Variants in PARD3B observed in about 807,000 individuals in gnomAD.
PARD3B encodes the protein par-3 family cell polarity regulator beta.
Under a neutral mutation model 130.2 loss-of-function variants are expected in PARD3B, and 103 were observed. The observed-to-expected ratio is 0.79, with a 90% confidence interval of 0.67 to 0.93. The LOEUF is 0.93. PARD3B is among the 40% of genes least tolerant of loss of function. The probability of loss-of-function intolerance (pLI) is 0.00; values close to 1 mark genes in which losing one functional copy is unlikely to be tolerated. For synonymous variants in PARD3B, 583 were observed against 553.2 expected (o/e 1.05, Z -0.76); for missense variants, 1,609 against 1,499.2 (o/e 1.07, Z -1.21).
At chr2:204,580,214 A>T (rs894011453) in intron 1 of PARD3B, among the ~76,000 whole-genome samples, 4 of 152,186 alleles carry the variant, frequency 2.6e-5, no homozygotes, top group African/African-American at 7.2e-5. Context: ...GAGAGGGGAA[A>T]GAGTGGGAGG....
intron 18 of PARD3B, among the ~76,000 whole-genome samples, chr2:205,311,780 T>TA (rs2042395426): frequency 6.6e-6 from 1 of 152,250 alleles, no homozygotes; most frequent in African/African-American, 2.4e-5. Flanking sequence ...AAAGGTTATT[T>TA]AATCACTTGG....
chr2:205,619,235 C>G lies in PARD3B; in HGVS notation c.*3422C>G, dbSNP rs2055525948. 1 of 152,154 alleles carries G rather than the reference C, an allele frequency of 6.6e-6. No homozygotes were observed. Among genetic ancestry groups the G allele is most frequent in the Admixed American group, 6.5e-5 (1 of 15,274 alleles). 9.4% of individuals were successfully genotyped at this position (152,154 alleles called of 1,614,324 possible). On this transcript the variant is annotated 3_prime_UTR_variant, in exon 23 of 23. Transcript: ENST00000406610. ...GCTCATAAAGCTCATTTCTCTTTTCCCTGGTATGCACAAATATCAAGCCTA... is the reference window on the plus strand; with the variant it reads ...GCTCATAAAGCTCATTTCTCTTTTCGCTGGTATGCACAAATATCAAGCCTA...
chr2:205,176,624 C>T lies in PARD3B; in HGVS notation c.1924+47C>T. 2 of 1,417,748 alleles carry T rather than the reference C, an allele frequency of 1.4e-6. No individual in the cohort carries two copies. The highest frequency in any genetic ancestry group is 1.9e-6 in the Non-Finnish European group (2 of 1,069,826). 87.8% of individuals were successfully genotyped at this position (1,417,748 alleles called of 1,614,324 possible). On this transcript the variant is annotated intron_variant, in intron 13 of 22. Transcript: ENST00000406610. The surrounding 1 kb of genome is among the most constrained non-coding windows in gnomAD (Gnocchi z 5.3). Reference sequence around the variant, plus strand: ...CCACTGCAAATGGAGTGAGAAAACACAAAAGTGTCTTTTTATCTAAAAAAA... The same window carrying T: ...CCACTGCAAATGGAGTGAGAAAACATAAAAGTGTCTTTTTATCTAAAAAAA...
intron 1 of PARD3B, among the ~76,000 whole-genome samples, chr2:204,579,249 C>A (rs1466463828): frequency 6.6e-6 from 1 of 152,048 alleles, no homozygotes; most frequent in East Asian, 1.9e-4. Context: ...TTAATCCTTG[C>A]AGCAATCTCA....
At chr2:205,307,341 T>C (rs2042221438) in intron 18 of PARD3B, among the ~76,000 whole-genome samples, 1 of 152,256 alleles carries the variant, frequency 6.6e-6, no homozygotes, top group South Asian at 2.1e-4. Flanking sequence ...ACTTTGTTGA[T>C]TTCAGAATTA....
intron 2 of PARD3B, among the ~76,000 whole-genome samples, chr2:204,850,545 A>G (rs899415516): frequency 1.3e-5 from 2 of 148,878 alleles, no homozygotes; most frequent in African/African-American, 5.2e-5. Context: ...TGATGAAAAC[A>G]TGTAAAAGGC....
At chr2:204,944,729 A>G (rs202246572) in intron 2 of PARD3B, among the ~76,000 whole-genome samples, 1 of 152,200 alleles carries the variant, frequency 6.6e-6, no homozygotes, top group South Asian at 2.1e-4. Flanking sequence ...AAGGTTTGCT[A>G]TTTTGGTTGC....
intron 2 of PARD3B, among the ~76,000 whole-genome samples, chr2:204,708,921 A>G (rs2038308701): frequency 1.3e-5 from 2 of 152,208 alleles, no homozygotes; most frequent in African/African-American, 4.8e-5. Flanking sequence ...GTGGAATGCT[A>G]AAAGATATTG....
At chr2:205,514,368 T>A (rs764418313) in intron 21 of PARD3B, among the ~76,000 whole-genome samples, 1 of 152,192 alleles carries the variant, frequency 6.6e-6, no homozygotes, top group Non-Finnish European at 1.5e-5. Context: ...AGTCTTCCTA[T>A]GAGTTATGAT....
intron 4 of PARD3B, among the ~76,000 whole-genome samples, chr2:205,054,426 A>ATATATATATATATATATATATATATT (rs1699473079): frequency 4.2e-5 from 1 of 23,810 alleles, no homozygotes; most frequent in African/African-American, 1.4e-4. Flanking sequence ...ATATATATAT[A>ATATATATATATATATATATATATATT]TATATATATA....
At chr2:205,506,070 C>T (rs1016040482) in intron 21 of PARD3B, among the ~76,000 whole-genome samples, 4 of 152,146 alleles carry the variant, frequency 2.6e-5, no homozygotes, top group Non-Finnish European at 5.9e-5. Flanking sequence ...CACAGTGGCT[C>T]ACGCCTGTAA....
Position 204,980,175 on chromosome 2 carries a change from C to T in PARD3B, c.394+14852C>T, listed in dbSNP as rs530633860. On this transcript the variant is annotated intron_variant, in intron 3 of 22. Transcript: ENST00000406610. ...AAAAATAGGAAAGAACCCTAACAGG[C>T]ACTTCATAAAATGGCCAGTAGATTT... 5.4e-4 allele frequency among the ~76,000 whole-genome samples: 82 copies of T among 152,310 alleles called. 2 individuals carry two copies. In the South Asian group the frequency reaches 0.016, roughly 29 times the overall value.
intron 1 of PARD3B, among the ~76,000 whole-genome samples, chr2:204,609,646 T>C (rs2125114543): frequency 6.6e-6 from 1 of 152,218 alleles, no homozygotes; most frequent in South Asian, 2.1e-4. Context: ...TAGTAAGAAA[T>C]GTTTGAGTTA....
At chr2:205,506,499 C>T (rs780346298) in intron 21 of PARD3B, among the ~76,000 whole-genome samples, 7 of 152,168 alleles carry the variant, frequency 4.6e-5, no homozygotes, top group Non-Finnish European at 7.3e-5. Context: ...CTTGAAGAAA[C>T]GTACTTGGCC....
intron 18 of PARD3B, among the ~76,000 whole-genome samples, chr2:205,378,645 T>A (rs1168864755): frequency 6.6e-6 from 1 of 151,178 alleles, no homozygotes; most frequent in Admixed American, 6.6e-5. Flanking sequence ...CTTTTTTTTT[T>A]TTTTTGAGAC....
At chr2:205,024,822 G>GT (rs761791366) in intron 3 of PARD3B, among the ~76,000 whole-genome samples, 1 of 152,156 alleles carries the variant, frequency 6.6e-6, no homozygotes, top group Non-Finnish European at 1.5e-5. Flanking sequence ...TGATCATGTG[G>GT]TTTTCTCTGG....
At chr2:205,040,179 G>A (rs182411843) in intron 3 of PARD3B, among the ~76,000 whole-genome samples, 172 of 152,254 alleles carry the variant, frequency 1.1e-3, no homozygotes, top group African/African-American at 4.0e-3. Flanking sequence ...GGCCAGGCTG[G>A]TCTCGAACTC....
intron 18 of PARD3B, among the ~76,000 whole-genome samples, chr2:205,357,120 C>T (rs1039669292): frequency 5.9e-5 from 9 of 152,112 alleles, no homozygotes; most frequent in South Asian, 2.1e-4. Context: ...TCTGTTCACT[C>T]ATTCATTAAT....
At chr2:205,205,163 A>C (rs1356709371) in intron 15 of PARD3B, among the ~76,000 whole-genome samples, 2 of 152,126 alleles carry the variant, frequency 1.3e-5, no homozygotes, top group African/African-American at 2.4e-5. Flanking sequence ...GAGGTCCTTC[A>C]CATCCCTTGT....
Sources: allele counts gnomAD v4.1 joint callset (sites outside exome capture counted in the v4.1 genomes callset), GRCh38; gene constraint gnomAD v4.1.1; non-coding constraint Gnocchi (gnomAD v3.1); transcripts MANE v1.5; gene names NCBI Gene and HGNC (gene_info 2026-07-23, HGNC 2026-07-21).